TMC2: variants seen among roughly 807,000 people sequenced by gnomAD.
TMC2 encodes transmembrane channel-like protein 2.
Under a neutral mutation model 105.9 loss-of-function variants are expected in TMC2, and 102 were observed. The ratio of observed to expected loss-of-function variants is 0.96; its 90% confidence interval spans 0.82 to 1.14. TMC2 has a LOEUF of 1.14. Ranked by LOEUF, TMC2 falls within the 50% of genes most tolerant of loss-of-function variation. The pLI is 0.00. For synonymous variants in TMC2, 402 were observed against 422.8 expected (o/e 0.95, Z 0.60); for missense variants, 1,093 against 1,134.3 (o/e 0.96, Z 0.52).
At position 2,610,504 on chromosome 20, in the gene TMC2, C is replaced by A. The variant is rs183059408; in HGVS notation, c.1499C>A (p.Thr500Asn). Residue 500 changes from threonine to asparagine, a missense_variant, in exon 12 of 20, where the codon ACT becomes AAT. Transcript: ENST00000358864. Reference sequence around the variant, plus strand: ...GCCCTGGAGAATTACCACCCACGCACTGGACTGAAGTGGCAGCTGGGACGC... The same window carrying A: ...GCCCTGGAGAATTACCACCCACGCAATGGACTGAAGTGGCAGCTGGGACGC... ...IAALENYHPR[T>N]GLKWQLGRIF... is the part of the protein sequence containing the mutation. 6.2e-7 allele frequency: 1 copy of A among 1,613,802 alleles called. No individual in the cohort carries two copies. The highest frequency in any genetic ancestry group is 8.5e-7 in the Non-Finnish European group (1 of 1,179,908).
At chr20:2,627,082 A>G (rs1357599229) in intron 17 of TMC2, among the ~76,000 whole-genome samples, 1 of 152,162 alleles carries the variant, frequency 6.6e-6, no homozygotes, top group Non-Finnish European at 1.5e-5. Flanking sequence ...CTGGGGCGTG[A>G]CTGCCCTCAG....
intron 2 of TMC2, among the ~76,000 whole-genome samples, chr20:2,546,196 G>A (rs1401478402): frequency 6.6e-6 from 1 of 152,130 alleles, no homozygotes; most frequent in African/African-American, 2.4e-5. Flanking sequence ...TCATCCAATG[G>A]TTGAGTTCAG....
chr20:2,572,265 C>A lies in TMC2; in HGVS notation c.641C>A (p.Ala214Asp), dbSNP rs756743138. The change falls in exon 5 of 20, where the codon GCC (alanine) becomes GAC (aspartate). Residue 214 changes from alanine to aspartate, a missense_variant. By Grantham distance (126) the Ala-to-Asp change is moderately radical. Transcript: ENST00000358864. Reference sequence around the variant, plus strand: ...CTATATGCCTACAAGATGCTGATGGCCAAGGTGTGTGGGGTGGGGGCAGTG... The same window carrying A: ...CTATATGCCTACAAGATGCTGATGGACAAGGTGTGTGGGGTGGGGGCAGTG... ...KQLYAYKMLM[A>D]KKWVKFKRDF... The A allele has an allele frequency of 2.8e-5, 45 of 1,611,606 alleles. No individual in the cohort carries two copies. The East Asian group carries it at 9.8e-4, about 35-fold the overall frequency.
At chr20:2,635,500 C>T (rs1279191609) in intron 17 of TMC2, among the ~76,000 whole-genome samples, 2 of 152,164 alleles carry the variant, frequency 1.3e-5, no homozygotes, top group Admixed American at 1.3e-4. Flanking sequence ...GAAGTCTACT[C>T]TCTGCTTCAT....
At chr20:2,577,350 T>C (rs1041047157) in intron 5 of TMC2, among the ~76,000 whole-genome samples, 4 of 152,104 alleles carry the variant, frequency 2.6e-5, no homozygotes, top group African/African-American at 7.2e-5. Context: ...CCAAAGAGTA[T>C]TTTTGAACAC....
chr20:2,548,004 G>C (rs958076635), intron 2 of TMC2, among the ~76,000 whole-genome samples: 23 of 152,116 alleles, frequency 1.5e-4, no homozygotes, highest in African/African-American at 4.6e-4. Flanking sequence ...TACTTTGCAT[G>C]CAAAGTTGTA....
At chr20:2,622,659 C>T (rs533255271) in intron 16 of TMC2, among the ~76,000 whole-genome samples, 4 of 150,052 alleles carry the variant, frequency 2.7e-5, no homozygotes, top group East Asian at 2.0e-4. Flanking sequence ...CCAGCCTGGA[C>T]GACAGAGAGA....
At chr20:2,638,356 C>CAAA (rs58078004) in intron 19 of TMC2, among the ~76,000 whole-genome samples, 105,235 of 142,002 alleles carry the variant, frequency 0.74, 38,796 homozygotes, top group East Asian at 0.86. Flanking sequence ...GACTCCATCT[C>CAAA]AAAAAAAAAA....
rs528807663 is a variant in TMC2 at position 2,617,498 on chromosome 20, C to A, written c.2180+187C>A. 4 of 762,282 alleles carry A rather than the reference C, an allele frequency of 5.2e-6. No homozygotes were observed. In the East Asian group the frequency reaches 8.2e-5, roughly 16 times the overall value. The allele number at this position is 762,282 out of a possible 1,614,324, so 47.2% of individuals were successfully genotyped here. A position where few individuals can be genotyped will look rare whatever the true frequency, so the allele number is the denominator to read the frequency against. ...GAAATGTTAGGTCGTTCTGTGTCTG[C>A]GCTGTTCATTTCAGTAGCCACCAGC... On this transcript the variant is annotated intron_variant, in intron 16 of 19. Transcript: ENST00000358864.
At chr20:2,549,674 C>T (rs886235169) in intron 2 of TMC2, among the ~76,000 whole-genome samples, 3 of 152,044 alleles carry the variant, frequency 2.0e-5, no homozygotes, top group Admixed American at 2.0e-4. Context: ...ATTTGGGGGG[C>T]AGATGTTGCA....
At chr20:2,560,966 T>G (rs574095659) in intron 3 of TMC2, among the ~76,000 whole-genome samples, 1 of 152,266 alleles carries the variant, frequency 6.6e-6, no homozygotes, top group East Asian at 1.9e-4. Context: ...CTGGAAATTC[T>G]CCACAGCCCT....
intron 6 of TMC2, among the ~76,000 whole-genome samples, chr20:2,579,452 C>T (rs906552063): frequency 2.0e-5 from 3 of 151,312 alleles, no homozygotes; most frequent in Non-Finnish European, 4.4e-5. Flanking sequence ...GACAGAGTCT[C>T]GCTCTGTTGC....
At chr20:2,582,388 G>A (rs892034431) in intron 7 of TMC2, among the ~76,000 whole-genome samples, 3 of 152,138 alleles carry the variant, frequency 2.0e-5, no homozygotes, top group Non-Finnish European at 2.9e-5. Flanking sequence ...ACGACCCATG[G>A]ATGTTTTAAA....
chr20:2,567,407 T>C (rs2122847430), intron 4 of TMC2, among the ~76,000 whole-genome samples: 1 of 152,260 alleles, frequency 6.6e-6, no homozygotes, highest in African/African-American at 2.4e-5. Context: ...CCTAGAGTCT[T>C]ATAATATCCA....
intron 7 of TMC2, among the ~76,000 whole-genome samples, chr20:2,590,273 A>G (rs1393841504): frequency 1.3e-5 from 2 of 152,204 alleles, no homozygotes; most frequent in African/African-American, 2.4e-5. Context: ...AAAATGTACT[A>G]TATCTTGGTT....
chr20:2,537,217 G>A, intron 1 of TMC2, 52 bp from the exon 2 acceptor site: 4 of 1,543,234 alleles, frequency 2.6e-6, no homozygotes, highest in Non-Finnish European at 2.6e-6. Context: ...GGTCTGCAGG[G>A]AGGGGGACTC....
chr20:2,566,480 G>T (rs534376888), intron 4 of TMC2, among the ~76,000 whole-genome samples: 2 of 152,166 alleles, frequency 1.3e-5, no homozygotes, highest in African/African-American at 4.8e-5. Context: ...ATGAATCAGG[G>T]ATATTTGCTT....
intron 2 of TMC2, among the ~76,000 whole-genome samples, chr20:2,546,166 T>G (rs2085925235): frequency 6.6e-6 from 1 of 152,124 alleles, no homozygotes; most frequent in Non-Finnish European, 1.5e-5. Context: ...TGACCTATTG[T>G]GGAGTTGCCA....
At chr20:2,536,754 G>A (rs1044864203) in intron 1 of TMC2, 99 bp downstream of exon 1, 1 of 1,391,262 alleles carries the variant, frequency 7.2e-7, no homozygotes, top group African/African-American at 1.4e-5. Flanking sequence ...GCATAGGGAG[G>A]AGCTGGGTTT....
Sources: gnomAD v4.1 joint callset for allele counts (sites outside exome capture counted in the v4.1 genomes callset) on GRCh38, gnomAD v4.1.1 for gene constraint, MANE v1.5 for transcripts, NCBI Gene and HGNC (gene_info 2026-07-23, HGNC 2026-07-21) for gene names.